The following MUS81 variants were observed in gnomAD, a reference collection of about 807,000 sequenced individuals.
MUS81 encodes MUS81 structure-specific endonuclease subunit.
In MUS81, 69 loss-of-function variants were observed where a neutral mutation model predicts 74.2. The ratio of observed to expected loss-of-function variants is 0.93; its 90% confidence interval spans 0.77 to 1.14. The LOEUF (loss-of-function observed/expected upper bound fraction) is 1.14. Among genes scored for constraint, MUS81 ranks in the 50% most tolerant of loss-of-function variants. MUS81 has a pLI of 0.00. For synonymous variants in MUS81, 303 were observed against 300.6 expected, an observed-to-expected ratio of 1.01 and a Z score of -0.08; for missense variants, 711 against 726.5, an observed-to-expected ratio of 0.98 and a Z score of 0.25.
rs142655906 is a variant in MUS81, at chr11:65,866,044, T to C, written c.1648T>C (p.Leu550=). The change falls in exon 16 of 16, where the codon TTG becomes CTG. Residue 550 remains leucine, a synonymous_variant. Transcript: ENST00000308110. ...CCAGCTCTACTGCAGCTACGGCCCCTTGACCTGAGCTTATGCCGTGAAACA... is the reference window on the plus strand; with the variant it reads ...CCAGCTCTACTGCAGCTACGGCCCCCTGACCTGAGCTTATGCCGTGAAACA... ...LSQLYCSYGP[L]T 156 of 1,613,850 alleles carry C rather than the reference T, an allele frequency of 9.7e-5. No individual in the cohort carries two copies. Among genetic ancestry groups the C allele is most frequent in the Non-Finnish European group, 1.2e-4 (147 of 1,179,924 alleles).
Position 65,861,029 on chromosome 11 carries a change from G to T in MUS81, c.192G>T (p.Lys64Asn). Residue 64 changes from lysine (K) to asparagine (N), a missense_variant, in exon 2 of 16, where the codon AAG becomes AAT. Transcript: ENST00000308110. Reference sequence around the variant, plus strand: ...CGCTGCGCAGCGGGAAGGAAGCTAAGATCCTACAGCACTTCGGAGACGGGC... The same window carrying T: ...CGCTGCGCAGCGGGAAGGAAGCTAATATCCTACAGCACTTCGGAGACGGGC... ...PLPLRSGKEA[K>N]ILQHFGDGLC... The T allele has an allele frequency of 6.2e-7, 1 of 1,612,704 alleles. No individual in the cohort carries two copies. The highest frequency in any genetic ancestry group is 2.2e-5 in the East Asian group (1 of 44,882).
In MUS81 at chr11:65,863,207, T is replaced by TGAG; in HGVS notation, c.746+10_746+12dup. 6.2e-7 allele frequency: 1 copy of TGAG among 1,611,138 alleles called. No homozygotes were observed. The highest frequency in any genetic ancestry group is 8.5e-7 in the Non-Finnish European group (1 of 1,178,774). On this transcript the variant is annotated splice_region_variant and intron_variant, in intron 7 of 15. Transcript: ENST00000308110. ...GCCAGGAGCAGCTTCAGCAGAGCTGTGAGGAGGAGGGCAGAGGAGTGGGGA... is the reference window on the plus strand; with the variant it reads ...GCCAGGAGCAGCTTCAGCAGAGCTGTGAGGAGGAGGAGGGCAGAGGAGTGGGGA...
At chr11:65,862,170 C>T in intron 4 of MUS81, 41 bp from the exon 5 acceptor site, 2 of 1,605,756 alleles carry the variant, frequency 1.2e-6, no homozygotes, top group Non-Finnish European at 1.7e-6. Context: ...AGGAGGGGCC[C>T]TGGCACTGAG....
intron 12 of MUS81, 75 bp from the exon 13 acceptor site, chr11:65,864,942 G>A: frequency 1.3e-6 from 2 of 1,596,928 alleles, no homozygotes; most frequent in Non-Finnish European, 1.7e-6. Context: ...GCCCCCCAAG[G>A]CTGAGGACTG....
At chr11:65,866,900 G>A, downstream of MUS81, 2 of 1,614,004 alleles carry the variant, frequency 1.2e-6, no homozygotes, top group Non-Finnish European at 1.7e-6. Flanking sequence ...TGCAGGGAGG[G>A]TGGCTCCCTC....
At chr11:65,864,130 C>T in intron 10 of MUS81, 3 of 602,416 alleles carry the variant, frequency 5.0e-6, no homozygotes, top group South Asian at 4.0e-5. Flanking sequence ...ATTTTAAAGA[C>T]CTCTTGGGTA....
chr11:65,865,082 T>G lies in MUS81; in HGVS notation c.1338T>G (p.Ser446=). The G allele has an allele frequency of 1.2e-6, 2 of 1,614,072 alleles. No individual in the cohort carries two copies. Among genetic ancestry groups the G allele is most frequent in the South Asian group, 1.1e-5 (1 of 91,082 alleles). The change falls in exon 13 of 16, where the codon TCT becomes TCG. Residue 446 remains serine, a synonymous_variant. Transcript: ENST00000308110. The stretch of plus-strand genomic sequence containing the variant: ...ACCCTGAATCAGGGGCCATGACCTC[T>G]CCAAACCCTCTCTGCTCACTCCTCA... ...PGNPESGAMT[S]PNPLCSLLTF...
chr11:65,860,614 C>A lies in MUS81; in HGVS notation c.-140C>A. 3 of 1,222,702 alleles carry A rather than the reference C, an allele frequency of 2.5e-6. No individual in the cohort carries two copies. Among genetic ancestry groups the A allele is most frequent in the Non-Finnish European group, 3.4e-6 (3 of 872,344 alleles). 75.7% of individuals were successfully genotyped at this position (1,222,702 alleles called of 1,614,324 possible). ...TCGTTAGTGCCCCCTGTGTTTGGGGCCCCGTGATCTCAACGGTCCTGCCCT... is the reference window on the plus strand; with the variant it reads ...TCGTTAGTGCCCCCTGTGTTTGGGGACCCGTGATCTCAACGGTCCTGCCCT... On this transcript the variant is annotated 5_prime_UTR_variant, in exon 1 of 16. Transcript: ENST00000308110.
At position 65,866,025 on chromosome 11, in the gene MUS81, C is replaced by T. The variant is rs746653075; in HGVS notation, c.1629C>T (p.Leu543=). The T allele has an allele frequency of 1.2e-6, 2 of 1,614,106 alleles. No individual in the cohort carries two copies. The highest frequency in any genetic ancestry group is 3.3e-5 in the Admixed American group (2 of 60,022). ...CTCTGAGCAGGACCTTATCCCAGCT[C>T]TACTGCAGCTACGGCCCCTTGACCT... ...GPALSRTLSQ[L]YCSYGPLT Residue 543 remains leucine, a synonymous_variant, in exon 16 of 16, where the codon CTC becomes CTT. Transcript: ENST00000308110.
upstream of MUS81, among the ~76,000 whole-genome samples, chr11:65,859,896 A>C (rs1225852598): frequency 1.3e-5 from 2 of 152,124 alleles, no homozygotes; most frequent in African/African-American, 2.4e-5. Context: ...TGGGCTTCTT[A>C]ACCCGCAGCC....
intron 5 of MUS81, 65 bp downstream of exon 5, chr11:65,862,344 C>T: frequency 3.1e-6 from 5 of 1,594,830 alleles, no homozygotes; most frequent in Non-Finnish European, 4.3e-6. Flanking sequence ...ACTGCCTTTT[C>T]TTGCAGTGGG....
In MUS81 at chr11:65,861,075, C is replaced by T; in HGVS notation, c.238C>T (p.Arg80Trp). 1.2e-6 allele frequency: 2 copies of T among 1,612,550 alleles called. No individual in the cohort carries two copies. Among genetic ancestry groups the T allele is most frequent in the Non-Finnish European group, 1.7e-6 (2 of 1,179,972 alleles). The change falls in exon 2 of 16, where the codon CGG becomes TGG. Residue 80 changes from arginine to tryptophan, a missense_variant. Transcript: ENST00000308110. ...CGGGCTCTGCCGGATGCTGGACGAG[C>T]GGCTGCAGCGGCACCGAACATCGGG... ...GDGLCRMLDE[R>W]LQRHRTSGGD...
In MUS81 at chr11:65,860,628, CG is replaced by C; in HGVS notation, c.-124del. On this transcript the variant is annotated 5_prime_UTR_variant, in exon 1 of 16. Transcript: ENST00000308110. The stretch of plus-strand genomic sequence containing the variant: ...TGTGTTTGGGGCCCCGTGATCTCAA[CG>C]GTCCTGCCCTCGGTCTCCCTCTTCC... 7.3e-7 allele frequency: 1 copy of C among 1,366,828 alleles called. No homozygotes were observed. The highest frequency in any genetic ancestry group is 1.0e-6 in the Non-Finnish European group (1 of 1,000,760). The allele number at this position is 1,366,828 out of a possible 1,614,324, so 84.7% of individuals were successfully genotyped here.
Position 65,866,335 on chromosome 11 carries a change from T to C in MUS81, c.*283T>C, listed in dbSNP as rs1281922295. The C allele has an allele frequency of 3.3e-6, 2 of 603,306 alleles. No homozygotes were observed. Among genetic ancestry groups the C allele is most frequent in the East Asian group, 2.8e-5 (1 of 36,248 alleles). 37.4% of individuals were successfully genotyped at this position (603,306 alleles called of 1,614,324 possible). ...CTTGGAATCTATTTTATGTCACCAG[T>C]TGGTCCTCATCAAATAAAATTTCCT... On this transcript the variant is annotated 3_prime_UTR_variant, in exon 16 of 16. Transcript: ENST00000308110.
chr11:65,867,032 C>G, downstream of MUS81: 1 of 1,614,128 alleles, frequency 6.2e-7, no homozygotes, highest in Non-Finnish European at 8.5e-7. Context: ...CCCGGGGGCC[C>G]GTCACCGGCC....
rs1198405939 is a variant in MUS81, at chr11:65,861,842, C to T, written c.352-105C>T. Reference sequence around the variant, plus strand: ...CTGGCCCATTTTACAGAGAAGGAAACTGAGAGACAACTGAGTGACTTACCC... The same window carrying T: ...CTGGCCCATTTTACAGAGAAGGAAATTGAGAGACAACTGAGTGACTTACCC... On this transcript the variant is annotated intron_variant, in intron 3 of 15. Coordinates refer to ENST00000308110, the MANE Select transcript of MUS81 (RefSeq NM_025128.5). 8.1e-6 allele frequency: 7 copies of T among 866,180 alleles called. No homozygotes were observed. In the East Asian group the frequency reaches 1.9e-4, roughly 23 times the overall value. 53.7% of individuals were successfully genotyped at this position (866,180 alleles called of 1,614,324 possible). A position where few individuals can be genotyped will look rare whatever the true frequency, so the allele number is the denominator to read the frequency against.
At position 65,864,813 on chromosome 11, in the gene MUS81, C is replaced by T; in HGVS notation, c.1270C>T (p.Gln424Ter). ...LLTRGLQRLY[Q>*]GHTLRSRPWG... is the part of the protein sequence containing the mutation. ...GACGCGGGGCCTGCAGAGACTCTACCAGGTGAGCAGAGGCCCCTTTCCCAG... is the reference window on the plus strand; with the variant it reads ...GACGCGGGGCCTGCAGAGACTCTACTAGGTGAGCAGAGGCCCCTTTCCCAG... Residue 424 changes from glutamine (Q) to a stop codon, truncating the protein, a stop_gained and splice_region_variant, in exon 12 of 16, where the codon CAG becomes TAG. Transcript: ENST00000308110. LOFTEE classifies it high-confidence loss of function. 1 of 1,612,168 alleles carries T rather than the reference C, an allele frequency of 6.2e-7. No homozygotes were observed. Among genetic ancestry groups the T allele is most frequent in the Non-Finnish European group, 8.5e-7 (1 of 1,179,656 alleles).
At chr11:65,863,969 C>A in intron 10 of MUS81, 68 bp downstream of exon 10, 1 of 1,507,380 alleles carries the variant, frequency 6.6e-7, no homozygotes, top group African/African-American at 1.4e-5. Flanking sequence ...CAGAGCAATC[C>A]AGGGGCACTT....
At chr11:65,863,260 G>A in intron 7 of MUS81, 55 bp downstream of exon 7, 1 of 1,586,452 alleles carries the variant, frequency 6.3e-7, no homozygotes, top group Non-Finnish European at 8.6e-7. Flanking sequence ...TGGGAAATGA[G>A]GCCAAAGCCC....
Sources: gnomAD v4.1 joint callset for allele counts (sites outside exome capture counted in the v4.1 genomes callset) on GRCh38, gnomAD v4.1.1 for gene constraint, MANE v1.5 for transcripts, NCBI Gene and HGNC (gene_info 2026-07-23, HGNC 2026-07-21) for gene names.